The following RAPGEF5 variants were observed in gnomAD, a reference collection of about 807,000 sequenced individuals.
RAPGEF5 encodes the protein M-Ras-regulated GEF.
In RAPGEF5, 65 loss-of-function variants were observed where a neutral mutation model predicts 125.2. That is an observed-to-expected ratio of 0.52 (90% CI 0.43 to 0.64). The LOEUF (loss-of-function observed/expected upper bound fraction) is 0.64, where lower values mean the gene tolerates loss of function less well. Ranked by LOEUF, RAPGEF5 falls within the 30% of genes least tolerant of loss-of-function variation. The pLI, the probability that RAPGEF5 is intolerant of heterozygous loss-of-function variation, is 0.00. For synonymous variants in RAPGEF5, 391 were observed against 385.9 expected, an observed-to-expected ratio of 1.01 and a Z score of -0.16; for missense variants, 958 against 1,048.1, an observed-to-expected ratio of 0.91 and a Z score of 1.19.
chr7:22,348,822 C>T (rs1562541091), intron 1 of RAPGEF5, among the ~76,000 whole-genome samples: 1 of 152,210 alleles, frequency 6.6e-6, no homozygotes, highest in Non-Finnish European at 1.5e-5. Context: ...TACGGTGGCT[C>T]ACGCCTGTAA....
At chr7:22,147,449 G>A (rs187405300) in intron 18 of RAPGEF5, among the ~76,000 whole-genome samples, 3 of 152,234 alleles carry the variant, frequency 2.0e-5, no homozygotes, top group African/African-American at 4.8e-5. Flanking sequence ...CAGACATGGC[G>A]TTTACAGGAA....
chr7:22,125,459 A>G, intron 25 of RAPGEF5, 145 bp downstream of exon 25: 1 of 685,988 alleles, frequency 1.5e-6, no homozygotes, highest in Non-Finnish European at 2.4e-6. Context: ...CAAAGAGACA[A>G]TCTACTATAT....
At chr7:22,156,993 A>C in intron 15 of RAPGEF5, 105 bp from the exon 16 acceptor site, 1 of 1,492,092 alleles carries the variant, frequency 6.7e-7, no homozygotes, top group Admixed American at 2.3e-5. Context: ...ATTTTTTTTT[A>C]ATATGAAATC....
At chr7:22,154,654 G>A (rs1440311549) in intron 16 of RAPGEF5, 50 bp from the exon 17 acceptor site, 1 of 1,570,994 alleles carries the variant, frequency 6.4e-7, no homozygotes, top group Non-Finnish European at 8.6e-7. Flanking sequence ...TGGTCACGAG[G>A]TATAGACTTT....
intron 7 of RAPGEF5, among the ~76,000 whole-genome samples, chr7:22,265,648 T>A (rs1230769989): frequency 6.6e-6 from 1 of 150,786 alleles, no homozygotes; most frequent in Non-Finnish European, 1.5e-5. Flanking sequence ...TTGAAGAACC[T>A]CCATACTGTT....
At chr7:22,277,931 T>C (rs1161437061) in intron 6 of RAPGEF5, among the ~76,000 whole-genome samples, 1 of 152,172 alleles carries the variant, frequency 6.6e-6, no homozygotes, top group Non-Finnish European at 1.5e-5. Context: ...CCCTGTAATG[T>C]AATATGTGCA....
intron 7 of RAPGEF5, among the ~76,000 whole-genome samples, chr7:22,237,559 T>C (rs1320531181): frequency 6.6e-6 from 1 of 152,100 alleles, no homozygotes; most frequent in Non-Finnish European, 1.5e-5. Flanking sequence ...TTCATCCTGA[T>C]TGCTTCCTTT....
At chr7:22,342,482 C>T (rs1196942485) in intron 1 of RAPGEF5, among the ~76,000 whole-genome samples, 3 of 152,190 alleles carry the variant, frequency 2.0e-5, no homozygotes, top group African/African-American at 2.4e-5. Context: ...TGCAAATTTC[C>T]GTAGCTGGCT....
chr7:22,337,871 C>G (rs193297687), intron 1 of RAPGEF5, among the ~76,000 whole-genome samples: 1 of 152,228 alleles, frequency 6.6e-6, no homozygotes, highest in African/African-American at 2.4e-5. Context: ...TAACACACCA[C>G]TCACATTTAT....
chr7:22,288,753 A>G (rs1454181385), intron 6 of RAPGEF5, among the ~76,000 whole-genome samples: 1 of 152,176 alleles, frequency 6.6e-6, no homozygotes, highest in Non-Finnish European at 1.5e-5. Context: ...CAATCTTAAA[A>G]AAATCAATTT....
intron 11 of RAPGEF5, among the ~76,000 whole-genome samples, chr7:22,176,797 C>T (rs1784523721): frequency 6.6e-6 from 1 of 152,218 alleles, no homozygotes; most frequent in African/African-American, 2.4e-5. Context: ...TCCCAAAGTG[C>T]TGGGATTACA....
intron 11 of RAPGEF5, among the ~76,000 whole-genome samples, chr7:22,173,893 T>A (rs891449328): frequency 6.6e-6 from 1 of 152,104 alleles, no homozygotes; most frequent in Non-Finnish European, 1.5e-5. Context: ...TTGCAGCCCA[T>A]TCATGGCATA....
chr7:22,287,501 A>G (rs1490746468), intron 6 of RAPGEF5, among the ~76,000 whole-genome samples: 1 of 152,232 alleles, frequency 6.6e-6, no homozygotes, highest in Non-Finnish European at 1.5e-5. Flanking sequence ...ACCACATTTG[A>G]ATAAAAATGG....
intron 6 of RAPGEF5, among the ~76,000 whole-genome samples, chr7:22,277,530 C>G (rs1319370101): frequency 1.3e-5 from 2 of 152,124 alleles, no homozygotes; most frequent in African/African-American, 4.8e-5. Flanking sequence ...GTGTAAGGCC[C>G]AAAGCAAAGT....
chr7:22,308,259 A>C (rs529400611), intron 5 of RAPGEF5, 80 bp downstream of exon 5: 1 of 1,320,516 alleles, frequency 7.6e-7, no homozygotes, highest in African/African-American at 1.5e-5. Flanking sequence ...AGTGATCTTA[A>C]AGAGCAGAAT....
At chr7:22,239,732 A>G (rs1161337386) in intron 7 of RAPGEF5, among the ~76,000 whole-genome samples, 1 of 152,124 alleles carries the variant, frequency 6.6e-6, no homozygotes, top group African/African-American at 2.4e-5. Flanking sequence ...CGTCCATTCA[A>G]TGGAAAAGTT....
rs1288426159 is a variant in RAPGEF5, at chr7:22,316,442, C to T, written c.283-966G>A. ...ACACACACATATATACATATACACA[C>T]GTGTATGTATACATAGACATATATA... On this transcript the variant is annotated intron_variant, in intron 2 of 25. Transcript: ENST00000665637. 2.9e-5 allele frequency among the ~76,000 whole-genome samples: 4 copies of T among 139,498 alleles called. 1 individual carries two copies. The highest frequency in any genetic ancestry group is 8.0e-5 in the African/African-American group (3 of 37,282). The allele number at this position is 139,498 out of a possible 152,430, so 91.5% of individuals were successfully genotyped here. A position where few individuals can be genotyped will look rare whatever the true frequency, so the allele number is the denominator to read the frequency against.
intron 6 of RAPGEF5, among the ~76,000 whole-genome samples, chr7:22,278,329 G>A (rs751337095): frequency 2.0e-5 from 3 of 152,228 alleles, no homozygotes; most frequent in South Asian, 2.1e-4. Flanking sequence ...TTATCAAGAC[G>A]TCCATAAGTT....
At chr7:22,316,962 A>G (rs1343151191) in intron 2 of RAPGEF5, among the ~76,000 whole-genome samples, 1 of 151,362 alleles carries the variant, frequency 6.6e-6, no homozygotes, top group Admixed American at 6.6e-5. Flanking sequence ...ATTTTTTAAC[A>G]TGTTAAAACT....
Sources: allele counts gnomAD v4.1 joint callset (sites outside exome capture counted in the v4.1 genomes callset), GRCh38; gene constraint gnomAD v4.1.1; transcripts MANE v1.5; gene names NCBI Gene and HGNC (gene_info 2026-07-23, HGNC 2026-07-21).